Variants in MKLN1 observed in about 807,000 individuals in gnomAD.
MKLN1 encodes the protein muskelin.
A neutral mutation model predicts 99.0 loss-of-function variants in MKLN1; 18 were observed. The observed-to-expected ratio is 0.18, with a 90% CI of 0.13 to 0.27. MKLN1 has a LOEUF of 0.27. MKLN1 is among the 10% of genes least tolerant of loss of function. The pLI, the probability that MKLN1 is intolerant of heterozygous loss-of-function variation, is 1.00. For synonymous variants in MKLN1, 288 were observed against 293.2 expected, an observed-to-expected ratio of 0.98 and a Z score of 0.18; for missense variants, 621 against 875.9, an observed-to-expected ratio of 0.71 and a Z score of 3.67.
intron 1 of MKLN1, among the ~76,000 whole-genome samples, chr7:131,117,776 A>G (rs572480354): frequency 6.6e-6 from 1 of 152,286 alleles, no homozygotes; most frequent in African/African-American, 2.4e-5. Context: ...AAGGCAGTGA[A>G]ACACACAGGG....
intron 2 of MKLN1, among the ~76,000 whole-genome samples, chr7:131,159,231 C>T (rs974520502): frequency 2.0e-5 from 3 of 151,908 alleles, no homozygotes; most frequent in African/African-American, 4.8e-5. Context: ...ATGCTATGGA[C>T]AGAAATAAGC....
intron 3 of MKLN1, among the ~76,000 whole-genome samples, chr7:131,243,263 C>T (rs142242323): frequency 9.8e-5 from 15 of 152,300 alleles, no homozygotes; most frequent in African/African-American, 2.9e-4. Context: ...ATACTCTACA[C>T]CTATGTCTAG....
intron 2 of MKLN1, among the ~76,000 whole-genome samples, chr7:131,172,024 A>T (rs1796222964): frequency 6.6e-6 from 1 of 152,236 alleles, no homozygotes; most frequent in Non-Finnish European, 1.5e-5. Flanking sequence ...CTGTTAATGA[A>T]GACCTAGTGT....
At chr7:131,115,418 A>G (rs1390237393) in intron 1 of MKLN1, among the ~76,000 whole-genome samples, 2 of 152,034 alleles carry the variant, frequency 1.3e-5, no homozygotes, top group Non-Finnish European at 2.9e-5. Flanking sequence ...CCTAATACAA[A>G]CCATCATCCC....
intron 1 of MKLN1, among the ~76,000 whole-genome samples, chr7:131,134,963 A>G (rs1265073484): frequency 1.3e-5 from 2 of 152,214 alleles, no homozygotes; most frequent in Admixed American, 6.5e-5. Flanking sequence ...ATTGATTTCT[A>G]GCCCACATCA....
intron 2 of MKLN1, among the ~76,000 whole-genome samples, chr7:131,175,374 A>G (rs556980331): frequency 2.6e-5 from 4 of 152,350 alleles, no homozygotes; most frequent in Admixed American, 6.5e-5. Flanking sequence ...AATAATATTT[A>G]TGAGTGCAGA....
At chr7:131,435,588 C>G (rs995197192) in intron 9 of MKLN1, among the ~76,000 whole-genome samples, 7 of 151,832 alleles carry the variant, frequency 4.6e-5, no homozygotes, top group African/African-American at 1.7e-4. Context: ...ATGTGTAATT[C>G]CTTCAGATTT....
At position 131,251,121 on chromosome 7, in the gene MKLN1, G is replaced by GTGTGTGTA. The variant is rs143561333; in HGVS notation, c.-179+48152_-179+48153insGTATGTGT. ...TGTGTGTGTGTGTGTGTGTGTGTGT[G>GTGTGTGTA]TGTGTACCATTTTGACCATCTTAAA... On this transcript the variant is annotated intron_variant, in intron 3 of 7. Coordinates refer to the MKLN1 transcript ENST00000416992. 1.6e-3 allele frequency among the ~76,000 whole-genome samples: 240 copies of GTGTGTGTA among 148,050 alleles called. 2 individuals are homozygous for GTGTGTGTA. The highest frequency in any genetic ancestry group is 3.9e-3 in the African/African-American group (158 of 40,298).
intron 13 of MKLN1, 33 bp downstream of exon 13, chr7:131,463,397 T>C: frequency 6.3e-7 from 1 of 1,585,546 alleles, no homozygotes; most frequent in Non-Finnish European, 8.6e-7. Context: ...GCAATCCCAA[T>C]GTAATAATTA....
chr7:131,459,100 T>C (rs1169007324), intron 12 of MKLN1, among the ~76,000 whole-genome samples: 2 of 152,150 alleles, frequency 1.3e-5, no homozygotes. Flanking sequence ...GAACAGCTGG[T>C]TAGAAATATG....
chr7:131,344,311 A>G lies in MKLN1; in HGVS notation c.98+16314A>G, dbSNP rs562626676. 4.6e-5 allele frequency among the ~76,000 whole-genome samples: 7 copies of G among 152,356 alleles called. No homozygotes were observed. In the East Asian group the frequency reaches 1.3e-3, roughly 29 times the overall value. On this transcript the variant is annotated intron_variant, in intron 1 of 17. Coordinates refer to ENST00000352689, the MANE Select transcript of MKLN1 (RefSeq NM_013255.5). Reference sequence around the variant, plus strand: ...TGTGTTTGTGTGAATTGCTTTGATTATAAACACAAATTATATAGGATCCTA... The same window carrying G: ...TGTGTTTGTGTGAATTGCTTTGATTGTAAACACAAATTATATAGGATCCTA...
chr7:131,362,585 T>C (rs953197650), intron 1 of MKLN1, among the ~76,000 whole-genome samples: 1 of 152,126 alleles, frequency 6.6e-6, no homozygotes, highest in Non-Finnish European at 1.5e-5. Context: ...CAGTTTGATG[T>C]ATCTGTCTAG....
At chr7:131,247,511 G>C (rs1465394877) in intron 3 of MKLN1, among the ~76,000 whole-genome samples, 1 of 152,064 alleles carries the variant, frequency 6.6e-6, no homozygotes, top group Non-Finnish European at 1.5e-5. Flanking sequence ...ACCATGCCTG[G>C]CTTACTGAGA....
intron 17 of MKLN1, among the ~76,000 whole-genome samples, chr7:131,480,446 TGTTC>T (rs1320317758): frequency 6.6e-6 from 1 of 152,122 alleles, no homozygotes; most frequent in African/African-American, 2.4e-5. Flanking sequence ...AAAATAGAGG[TGTTC>T]TTGAGGTCTT....
chr7:131,460,110 G>A (rs551862286), intron 12 of MKLN1, among the ~76,000 whole-genome samples: 1 of 152,138 alleles, frequency 6.6e-6, no homozygotes, highest in African/African-American at 2.4e-5. Flanking sequence ...TTTTATGGCA[G>A]CTTATTCTTG....
intron 2 of MKLN1, among the ~76,000 whole-genome samples, chr7:131,149,877 A>C (rs555948645): frequency 6.6e-6 from 1 of 152,194 alleles, no homozygotes; most frequent in Admixed American, 6.5e-5. Context: ...CTGGTCATCA[A>C]ATTAAAACAC....
intron 8 of MKLN1, among the ~76,000 whole-genome samples, chr7:131,416,933 C>A (rs1413200295): frequency 1.5e-5 from 2 of 132,974 alleles, no homozygotes; most frequent in South Asian, 5.1e-4. Flanking sequence ...AGTGAGCCAT[C>A]ATCACACCAC....
chr7:131,293,862 G>A (rs538126242), intron 3 of MKLN1, among the ~76,000 whole-genome samples: 1 of 152,100 alleles, frequency 6.6e-6, no homozygotes, highest in South Asian at 2.1e-4. Context: ...AATAAAGTAG[G>A]GAAATGGTTC....
At chr7:131,379,812 T>G (rs1355019726) in intron 2 of MKLN1, among the ~76,000 whole-genome samples, 1 of 152,238 alleles carries the variant, frequency 6.6e-6, no homozygotes, top group African/African-American at 2.4e-5. Flanking sequence ...AAACATCTCA[T>G]GTACCCTGTA....
Sources: gnomAD v4.1 joint callset for allele counts (sites outside exome capture counted in the v4.1 genomes callset) on GRCh38, gnomAD v4.1.1 for gene constraint, MANE v1.5 for transcripts, NCBI Gene and HGNC (gene_info 2026-07-23, HGNC 2026-07-21) for gene names.